TSPAN4: variants seen among roughly 807,000 people sequenced by gnomAD.
The protein encoded by TSPAN4 is tetraspanin-4.
In TSPAN4, 38 loss-of-function variants were observed where a neutral mutation model predicts 31.5. That is an observed-to-expected ratio of 1.21 (90% confidence interval 0.93 to 1.58). TSPAN4 has a LOEUF of 1.58. Among genes scored for constraint, TSPAN4 ranks in the 40% most tolerant of loss-of-function variants. TSPAN4 has a pLI of 0.00. For missense variants in TSPAN4, 330 were observed against 317.3 expected (o/e 1.04, Z -0.30); for synonymous variants, 186 against 144.6 (o/e 1.29, Z -2.06).
At position 865,781 on chromosome 11, in the gene TSPAN4, A is replaced by G. The variant is rs766655619; in HGVS notation, c.520A>G (p.Ser174Gly). Residue 174 changes from serine to glycine, a missense_variant, in exon 7 of 9, where the codon AGT becomes GGT. Physicochemically the swap from Ser to Gly is moderately conservative, Grantham distance 56. Coordinates refer to ENST00000397397, the MANE Select transcript of TSPAN4 (RefSeq NM_003271.5). ...ACCTGACTCCTGCTGCTTGGAGTTC[A>G]GTGAGAGCTGTGGGCTGCACGCCCC... ...RVPDSCCLEF[S>G]ESCGLHAPGT... 1 of 1,612,756 alleles carries G rather than the reference A, an allele frequency of 6.2e-7. No homozygotes were observed. The highest frequency in any genetic ancestry group is 1.1e-5 in the South Asian group (1 of 90,984).
intron 3 of TSPAN4, among the ~76,000 whole-genome samples, chr11:855,214 T>C (rs28608948): frequency 0.99 from 151,102 of 152,234 alleles, 75,001 homozygotes; most frequent in Middle Eastern, 1. Flanking sequence ...GGGCTGTCTC[T>C]GGGGGCAGAG....
intron 3 of TSPAN4, among the ~76,000 whole-genome samples, chr11:852,435 C>T (rs1388941526): frequency 1.3e-5 from 2 of 152,212 alleles, no homozygotes; most frequent in African/African-American, 2.4e-5. Flanking sequence ...CAATCACCAC[C>T]TTCCCGCCAG....
At chr11:852,227 G>A (rs904327168) in intron 3 of TSPAN4, among the ~76,000 whole-genome samples, 30 of 152,158 alleles carry the variant, frequency 2.0e-4, no homozygotes, top group African/African-American at 6.8e-4. Context: ...GGGTTCAAGC[G>A]ATTCTCATGC....
At chr11:866,049 C>T (rs556341782) in intron 8 of TSPAN4, 48 bp downstream of exon 8, 17 of 1,585,080 alleles carry the variant, frequency 1.1e-5, no homozygotes, top group East Asian at 6.7e-5. Flanking sequence ...TTGTTAGGAC[C>T]TTCTGAGCCC....
At chr11:859,258 C>T (rs1205095982) in intron 3 of TSPAN4, among the ~76,000 whole-genome samples, 1 of 116,242 alleles carries the variant, frequency 8.6e-6, no homozygotes, top group African/African-American at 3.4e-5. Context: ...CCCCCACTCA[C>T]ACACACCCTG....
intron 8 of TSPAN4, 89 bp from the exon 9 acceptor site, chr11:866,473 C>T (rs1848847812): frequency 2.3e-6 from 3 of 1,296,688 alleles, no homozygotes; most frequent in Admixed American, 2.2e-5. Context: ...GGGTCAGGGC[C>T]AGGGCACCTG....
In TSPAN4 at chr11:865,576, G is replaced by A. The variant is rs575659647; in HGVS notation, c.394G>A (p.Val132Met). 8.1e-6 allele frequency: 13 copies of A among 1,612,760 alleles called. No homozygotes were observed. Among genetic ancestry groups the A allele is most frequent in the East Asian group, 4.5e-5 (2 of 44,864 alleles). Residue 132 changes from valine (V) to methionine (M), a missense_variant, in exon 6 of 9, where the codon GTG becomes ATG. Physicochemically the swap from Val to Met is conservative, Grantham distance 21. Coordinates refer to ENST00000397397, the MANE Select transcript of TSPAN4 (RefSeq NM_003271.5). The stretch of plus-strand genomic sequence containing the variant: ...GCACCTGTACGGCACGCAGGGCAAC[G>A]TGGGCCTCACCAACGCCTGGAGCAT... ...GLHLYGTQGN[V>M]GLTNAWSIIQ...
intron 3 of TSPAN4, among the ~76,000 whole-genome samples, chr11:853,155 C>T (rs556374520): frequency 2.0e-5 from 3 of 152,156 alleles, no homozygotes; most frequent in East Asian, 1.9e-4. Flanking sequence ...ATGCCTGGCT[C>T]GTGTGCGGTG....
chr11:856,089 G>T (rs1455267569), intron 3 of TSPAN4, among the ~76,000 whole-genome samples: 1 of 152,198 alleles, frequency 6.6e-6, no homozygotes, highest in African/African-American at 2.4e-5. Context: ...AGAGGCTCAG[G>T]TGGGCTGTCC....
intron 3 of TSPAN4, chr11:857,931 A>G (rs1018364498): frequency 2.0e-5 from 3 of 152,196 alleles, no homozygotes; most frequent in Non-Finnish European, 4.4e-5. Context: ...CCAGGGCCAT[A>G]TCCCTTCTCT....
intron 3 of TSPAN4, 22 bp from the exon 4 acceptor site, chr11:862,526 GTC>G (rs761917082): frequency 2.1e-5 from 34 of 1,585,096 alleles, no homozygotes; most frequent in Middle Eastern, 2.2e-4. Flanking sequence ...CCCTGTCTGT[GTC>G]TCTCCTGTTG....
At chr11:845,322 C>T (rs1275765006) in intron 1 of TSPAN4, among the ~76,000 whole-genome samples, 4 of 152,212 alleles carry the variant, frequency 2.6e-5, no homozygotes, top group East Asian at 1.9e-4. Flanking sequence ...GTACCCACGC[C>T]GTCCGTGTCC....
chr11:844,305 G>A (rs1030268230), intron 1 of TSPAN4: 2 of 152,324 alleles, frequency 1.3e-5, no homozygotes, highest in African/African-American at 2.4e-5. Flanking sequence ...CTGCCTGCAG[G>A]AGTTGTTTAC....
In TSPAN4 at chr11:862,627, C is replaced by T. The variant is rs1366242042; in HGVS notation, c.141C>T (p.Ser47=). The change falls in exon 4 of 9, where the codon TCC becomes TCT. Residue 47 remains serine, a synonymous_variant. Transcript: ENST00000397397. The part of the protein sequence containing the change: ...TQGSFATLSS[S]FPSLSAANLL... ...GGAGCTTCGCCACGCTGTCCTCTTC[C>T]TTCCCGTCCCTGTCGGCTGCCAACT... 6.2e-7 allele frequency: 1 copy of T among 1,613,250 alleles called. No homozygotes were observed. Among genetic ancestry groups the T allele is most frequent in the Non-Finnish European group, 8.5e-7 (1 of 1,179,910 alleles).
At chr11:850,392 G>A in intron 3 of TSPAN4, 25 bp downstream of exon 3, 2 of 1,588,918 alleles carry the variant, frequency 1.3e-6, no homozygotes, top group Non-Finnish European at 8.5e-7. Context: ...CGGGGTGGGG[G>A]CCCGGGAAAG....
At chr11:856,244 A>G (rs992606512) in intron 3 of TSPAN4, among the ~76,000 whole-genome samples, 3 of 152,236 alleles carry the variant, frequency 2.0e-5, no homozygotes, top group Non-Finnish European at 2.9e-5. Flanking sequence ...AATCTTGGGC[A>G]GAGCCATCAG....
chr11:858,861 C>T (rs1486645292), intron 3 of TSPAN4, among the ~76,000 whole-genome samples: 10 of 141,920 alleles, frequency 7.0e-5, no homozygotes, highest in Admixed American at 5.6e-4. Context: ...CTCCCATGCA[C>T]CCCCGGCTCC....
At chr11:852,579 A>G (rs1333149370) in intron 3 of TSPAN4, among the ~76,000 whole-genome samples, 1 of 151,986 alleles carries the variant, frequency 6.6e-6, no homozygotes, top group African/African-American at 2.4e-5. Context: ...TTGCCAGGAG[A>G]GTCTGTCCCG....
chr11:866,669 C>T lies in TSPAN4; in HGVS notation c.*39C>T, dbSNP rs761090659. 1.3e-5 allele frequency: 20 copies of T among 1,588,160 alleles called. No homozygotes were observed. Among genetic ancestry groups the T allele is most frequent in the Middle Eastern group, 3.3e-4 (2 of 5,998 alleles). ...CGCTTCTCTGCCAAAAGGACGCCCA[C>T]GGGGAGATGGCCGCACCCACAGCTG... On this transcript the variant is annotated 3_prime_UTR_variant, in exon 9 of 9. Transcript: ENST00000397397.
Sources: gnomAD v4.1 joint callset for allele counts (sites outside exome capture counted in the v4.1 genomes callset) on GRCh38, gnomAD v4.1.1 for gene constraint, MANE v1.5 for transcripts, NCBI Gene and HGNC (gene_info 2026-07-23, HGNC 2026-07-21) for gene names.